GRIK4: variants seen among roughly 807,000 people sequenced by gnomAD.
The protein encoded by GRIK4 is glutamate receptor ionotropic, kainate 4.
A neutral mutation model predicts 104.9 loss-of-function variants in GRIK4; 40 were observed. The observed-to-expected ratio is 0.38, with a 90% CI of 0.30 to 0.50. GRIK4 has a LOEUF of 0.50. Ranked by LOEUF, GRIK4 falls within the 20% of genes least tolerant of loss-of-function variation. GRIK4 has a pLI of 0.93. For missense variants in GRIK4, 1,047 were observed against 1,308.1 expected, an observed-to-expected ratio of 0.80 and a Z score of 3.08; for synonymous variants, 485 against 524.9, an observed-to-expected ratio of 0.92 and a Z score of 1.04.
intron 1 of GRIK4, among the ~76,000 whole-genome samples, chr11:120,627,187 A>G (rs1949271373): frequency 6.6e-6 from 1 of 152,224 alleles, no homozygotes; most frequent in Admixed American, 6.5e-5. Flanking sequence ...GAATTTCATT[A>G]ATGTTGGTTG....
intron 8 of GRIK4, among the ~76,000 whole-genome samples, chr11:120,837,051 G>A (rs1323501845): frequency 2.0e-5 from 3 of 152,214 alleles, no homozygotes; most frequent in Non-Finnish European, 4.4e-5. Flanking sequence ...GGAATCTAAT[G>A]CCTCCATTCA....
In GRIK4 at chr11:120,549,906, C is replaced by T. The variant is rs1340951341; in HGVS notation, c.-159+38019C>T. Among the ~76,000 whole-genome samples the T allele has an allele frequency of 6.6e-6, 1 of 152,202 alleles. No homozygotes were observed. The highest frequency in any genetic ancestry group is 1.9e-4 in the East Asian group (1 of 5,192). The stretch of plus-strand genomic sequence containing the variant: ...GTGAACCTGCGAGGTAGACGGCAGC[C>T]TCAGCCATTTTGCTATCAATAAATT... On this transcript the variant is annotated intron_variant, in intron 1 of 20. Coordinates refer to ENST00000527524, the MANE Select transcript of GRIK4 (RefSeq NM_014619.5). The surrounding 1 kb of genome is among the most constrained non-coding windows in gnomAD (Gnocchi z 4.7).
At chr11:120,817,775 CTG>C (rs1394655477) in intron 5 of GRIK4, among the ~76,000 whole-genome samples, 1 of 152,248 alleles carries the variant, frequency 6.6e-6, no homozygotes, top group South Asian at 2.1e-4. Flanking sequence ...TTCAAGGAGA[CTG>C]TGCCGAAGGC....
intron 4 of GRIK4, among the ~76,000 whole-genome samples, chr11:120,813,516 A>C (rs1952870882): frequency 6.6e-6 from 1 of 152,184 alleles, no homozygotes; most frequent in Admixed American, 6.5e-5. Flanking sequence ...CTTAGTACTG[A>C]TGAGTCCTCC....
intron 16 of GRIK4, among the ~76,000 whole-genome samples, chr11:120,959,733 A>G (rs1191703129): frequency 6.6e-6 from 1 of 152,270 alleles, no homozygotes; most frequent in Non-Finnish European, 1.5e-5. Context: ...CAGTAAAACA[A>G]TCTTCTAATT....
intron 3 of GRIK4, among the ~76,000 whole-genome samples, chr11:120,695,642 G>GCAGGGCTGGC (rs139687111): frequency 0.11 from 16,367 of 152,172 alleles, 928 homozygotes; most frequent in East Asian, 0.14. Context: ...CGGGTGGGAG[G>GCAGGGCTGGC]CAGGGCTGTC....
chr11:120,854,390 C>T (rs937178902), intron 8 of GRIK4, among the ~76,000 whole-genome samples: 2 of 152,166 alleles, frequency 1.3e-5, no homozygotes, highest in Non-Finnish European at 2.9e-5. Flanking sequence ...GCAAATAGGG[C>T]CAGTTATAAC....
rs115989555 is a variant in GRIK4, at chr11:120,622,303, C to T, written c.-158-31382C>T. Among the ~76,000 whole-genome samples the T allele has an allele frequency of 7.4e-3, 1,120 of 152,246 alleles. 11 individuals are homozygous for T. Among genetic ancestry groups the T allele is most frequent in the African/African-American group, 0.026 (1,073 of 41,548 alleles). On this transcript the variant is annotated intron_variant, in intron 1 of 20. Transcript: ENST00000527524. ...CCCCATGAACTAGGTACTATTACTA[C>T]CCCCATTTTTCAGACACAGACAGGA...
intron 1 of GRIK4, among the ~76,000 whole-genome samples, chr11:120,557,413 G>A (rs1049806715): frequency 6.6e-6 from 1 of 152,198 alleles, no homozygotes; most frequent in East Asian, 1.9e-4. Flanking sequence ...CTCTTCTCTT[G>A]ACCACTTGTT....
intron 3 of GRIK4, among the ~76,000 whole-genome samples, chr11:120,713,883 G>T (rs1950782410): frequency 6.6e-6 from 1 of 152,278 alleles, no homozygotes; most frequent in South Asian, 2.1e-4. Context: ...AAATTGAGTC[G>T]AGAGTGGATT....
chr11:120,676,334 T>A (rs887263478), intron 3 of GRIK4, among the ~76,000 whole-genome samples: 1 of 152,200 alleles, frequency 6.6e-6, no homozygotes, highest in South Asian at 2.1e-4. Flanking sequence ...TTACTCACAT[T>A]TGCAAAGCTC....
At chr11:120,688,074 T>G (rs1950301975) in intron 3 of GRIK4, among the ~76,000 whole-genome samples, 1 of 152,190 alleles carries the variant, frequency 6.6e-6, no homozygotes, top group Admixed American at 6.5e-5. Context: ...CCAGCAGCAG[T>G]CTTTGCTTCT....
At chr11:120,579,859 A>G (rs1948545115) in intron 1 of GRIK4, among the ~76,000 whole-genome samples, 2 of 152,206 alleles carry the variant, frequency 1.3e-5, no homozygotes, top group Non-Finnish European at 2.9e-5. Flanking sequence ...GATATGGAAC[A>G]TCTCCGTCAC....
At chr11:120,935,859 G>C (rs905550416) in intron 13 of GRIK4, among the ~76,000 whole-genome samples, 6 of 152,110 alleles carry the variant, frequency 3.9e-5, no homozygotes, top group African/African-American at 1.2e-4. Context: ...GTTATCTAAA[G>C]ACACATTCAG....
chr11:120,732,713 T>C (rs1951156981), intron 3 of GRIK4, among the ~76,000 whole-genome samples: 2 of 152,254 alleles, frequency 1.3e-5, no homozygotes, highest in African/African-American at 4.8e-5. Context: ...TTTCATATTA[T>C]TTCAATTTCA....
intron 9 of GRIK4, among the ~76,000 whole-genome samples, chr11:120,866,872 C>T (rs769657769): frequency 6.6e-5 from 10 of 152,176 alleles, no homozygotes; most frequent in Non-Finnish European, 1.5e-4. Context: ...GGTTTCACCT[C>T]GGCACAGAGC....
Position 120,939,996 on chromosome 11 carries a change from AGTATT to A in GRIK4, c.1477-349_1477-345del, listed in dbSNP as rs1354476849. On this transcript the variant is annotated intron_variant, in intron 13 of 20. Coordinates refer to ENST00000527524, the MANE Select transcript of GRIK4 (RefSeq NM_014619.5). This position sits in a 1 kb window ranked among gnomAD's most constrained non-coding sequence, Gnocchi z 5.6. ...CCCTGTATCCAGAAAAAAAAAAAAA[AGTATT>A]GAGAATGCAGGAGCCCAATCTGCCA... Among the ~76,000 whole-genome samples the A allele has an allele frequency of 6.6e-6, 1 of 151,814 alleles. No individual in the cohort carries two copies. Among genetic ancestry groups the A allele is most frequent in the Non-Finnish European group, 1.5e-5 (1 of 67,976 alleles).
At chr11:120,753,633 A>G (rs548018713) in intron 3 of GRIK4, among the ~76,000 whole-genome samples, 4 of 152,300 alleles carry the variant, frequency 2.6e-5, no homozygotes, top group South Asian at 4.1e-4. Context: ...CAACAAATAT[A>G]TGAGTAGTTA....
chr11:120,750,067 G>T (rs1951519756), intron 3 of GRIK4, among the ~76,000 whole-genome samples: 1 of 152,182 alleles, frequency 6.6e-6, no homozygotes, highest in African/African-American at 2.4e-5. Context: ...CATTTTACAG[G>T]TGAAGAAACA....
Sources: gnomAD v4.1 joint callset for allele counts (sites outside exome capture counted in the v4.1 genomes callset) on GRCh38, gnomAD v4.1.1 for gene constraint, Gnocchi (gnomAD v3.1) non-coding constraint, MANE v1.5 for transcripts, NCBI Gene and HGNC (gene_info 2026-07-23, HGNC 2026-07-21) for gene names.